BCHE: variants seen among roughly 807,000 people sequenced by gnomAD.
BCHE encodes butyrylcholinesterase, also known as cholinesterase.
A neutral mutation model predicts 51.3 loss-of-function variants in BCHE; 48 were observed. The observed-to-expected ratio is 0.94, with a 90% CI of 0.74 to 1.19. BCHE has a LOEUF of 1.19. BCHE is among the 50% of genes most tolerant of loss of function. The probability of loss-of-function intolerance (pLI) is 0.00; values close to 1 mark genes in which losing one functional copy is unlikely to be tolerated. For synonymous variants in BCHE, 251 were observed against 238.0 expected (o/e 1.05, Z -0.50); for missense variants, 847 against 708.2 (o/e 1.20, Z -2.23).
intron 2 of BCHE, among the ~76,000 whole-genome samples, chr3:165,828,256 T>C (rs1268861117): frequency 1.3e-5 from 2 of 152,114 alleles, no homozygotes; most frequent in Non-Finnish European, 2.9e-5. Flanking sequence ...CAGGGCACAT[T>C]GAGAGAAGAA....
At chr3:165,787,425 C>A (rs1399210652) in intron 2 of BCHE, among the ~76,000 whole-genome samples, 1 of 151,374 alleles carries the variant, frequency 6.6e-6, no homozygotes. Context: ...AGCAAGAAAA[C>A]CCAGGGAAAC....
intron 3 of BCHE, among the ~76,000 whole-genome samples, chr3:165,783,040 C>T (rs999821873): frequency 2.6e-5 from 4 of 152,018 alleles, no homozygotes; most frequent in African/African-American, 9.7e-5. Flanking sequence ...TGAATTAACC[C>T]ACAATTGCTA....
At chr3:165,837,277 G>GT in intron 1 of BCHE, 37 bp downstream of exon 1, 1 of 1,209,728 alleles carries the variant, frequency 8.3e-7, no homozygotes, top group Non-Finnish European at 1.1e-6. Flanking sequence ...CAGTAACTTG[G>GT]ATCTCTACAC....
intron 2 of BCHE, among the ~76,000 whole-genome samples, chr3:165,815,822 A>G (rs148942002): frequency 1.9e-3 from 285 of 152,156 alleles, no homozygotes; most frequent in African/African-American, 6.7e-3. Context: ...TCAAGGACAC[A>G]CAGAGAGCAG....
intron 3 of BCHE, among the ~76,000 whole-genome samples, chr3:165,780,365 C>A (rs779738655): frequency 6.6e-6 from 1 of 152,054 alleles, no homozygotes; most frequent in Non-Finnish European, 1.5e-5. Context: ...GACTTCATGA[C>A]GAAAATGTCA....
chr3:165,802,457 G>C (rs552979596), intron 2 of BCHE, among the ~76,000 whole-genome samples: 1 of 152,114 alleles, frequency 6.6e-6, no homozygotes, highest in Non-Finnish European at 1.5e-5. Flanking sequence ...GAAAAGAGTA[G>C]GACCAGGGAG....
Position 165,830,070 on chromosome 3 carries a change from C to T in BCHE, c.964G>A (p.Val322Met), listed in dbSNP as rs754644618. ...TPLSVNFGPT[V>M]DGDFLTDMPD... ...ATGTCAGTGAGAAAATCACCATCCA[C>T]GGTCGGACCAAAGTTTACTGACAAA... Residue 322 changes from valine to methionine, a missense_variant, in exon 2 of 4, where the codon GTG becomes ATG. Transcript: ENST00000264381. The T allele has an allele frequency of 5.6e-6, 9 of 1,613,564 alleles. No homozygotes were observed. The highest frequency in any genetic ancestry group is 1.7e-5 in the Admixed American group (1 of 59,868).
rs1243711917 is a variant in BCHE, at chr3:165,830,305, T to C, written c.729A>G (p.Ser243=). 6.2e-7 allele frequency: 1 copy of C among 1,613,918 alleles called. No homozygotes were observed. Among genetic ancestry groups the C allele is most frequent in the African/African-American group, 1.3e-5 (1 of 74,924 alleles). ...SLHLLSPGSH[S]LFTRAILQSG... is the part of the protein sequence containing the mutation. The stretch of plus-strand genomic sequence containing the variant: ...TTTGCAGAATGGCTCTGGTGAACAA[T>C]GAATGGCTTCCAGGAGAAAGCAAAT... The change falls in exon 2 of 4, where the codon TCA becomes TCG. Residue 243 remains serine, a synonymous_variant. Transcript: ENST00000264381.
At chr3:165,827,443 A>G (rs1714768650) in intron 2 of BCHE, among the ~76,000 whole-genome samples, 1 of 151,330 alleles carries the variant, frequency 6.6e-6, no homozygotes, top group Non-Finnish European at 1.5e-5. Context: ...TTATTAATTA[A>G]TTAATAATTA....
At chr3:165,801,590 A>T (rs1002007749) in intron 2 of BCHE, among the ~76,000 whole-genome samples, 1 of 152,196 alleles carries the variant, frequency 6.6e-6, no homozygotes, top group African/African-American at 2.4e-5. Flanking sequence ...TAGAAATTTA[A>T]AAAAAGTATT....
At chr3:165,803,774 T>G (rs1713758966) in intron 2 of BCHE, among the ~76,000 whole-genome samples, 1 of 152,076 alleles carries the variant, frequency 6.6e-6, no homozygotes, top group Admixed American at 6.6e-5. Context: ...GAGGAGAATG[T>G]TAAAAGTAAA....
intron 2 of BCHE, among the ~76,000 whole-genome samples, chr3:165,820,887 G>A (rs1714488677): frequency 6.6e-6 from 1 of 151,900 alleles, no homozygotes; most frequent in Non-Finnish European, 1.5e-5. Flanking sequence ...CATACTTAAT[G>A]ACTGCTTTTA....
At chr3:165,828,693 A>T (rs576534173) in intron 2 of BCHE, among the ~76,000 whole-genome samples, 1 of 152,124 alleles carries the variant, frequency 6.6e-6, no homozygotes, top group Non-Finnish European at 1.5e-5. Context: ...ATTTACTCCC[A>T]TGTATAAAAT....
Position 165,829,704 on chromosome 3 carries a change from C to T in BCHE, c.1330G>A (p.Ala444Thr), listed in dbSNP as rs201490686. ...TKKFSEWGNN[A>T]FFYYFEHRSS... Reference sequence around the variant, plus strand: ...CGGTGTTCAAAATAGTAGAAAAAGGCATTATTTCCCCATTCTGAGAACTTC... The same window carrying T: ...CGGTGTTCAAAATAGTAGAAAAAGGTATTATTTCCCCATTCTGAGAACTTC... The change falls in exon 2 of 4, where the codon GCC becomes ACC. Residue 444 changes from alanine (A) to threonine (T), a missense_variant. Coordinates refer to ENST00000264381, the MANE Select transcript of BCHE (RefSeq NM_000055.4). 59 of 1,613,818 alleles carry T rather than the reference C, an allele frequency of 3.7e-5. No homozygotes were observed. The highest frequency in any genetic ancestry group is 4.7e-5 in the Non-Finnish European group (55 of 1,179,908).
chr3:165,817,685 A>G (rs1392454871), intron 2 of BCHE, among the ~76,000 whole-genome samples: 1 of 152,086 alleles, frequency 6.6e-6, no homozygotes, highest in Admixed American at 6.6e-5. Context: ...CGCCTTACAA[A>G]TGATAACACA....
intron 2 of BCHE, among the ~76,000 whole-genome samples, chr3:165,828,433 T>C (rs532176660): frequency 6.6e-6 from 1 of 152,230 alleles, no homozygotes; most frequent in African/African-American, 2.4e-5. Context: ...TATTAAACCA[T>C]TTTGAAAAGA....
chr3:165,810,614 A>G (rs1378617960), intron 2 of BCHE, among the ~76,000 whole-genome samples: 1 of 152,188 alleles, frequency 6.6e-6, no homozygotes, highest in Admixed American at 6.6e-5. Flanking sequence ...ATGAAAACAA[A>G]CACCACTAGT....
intron 2 of BCHE, among the ~76,000 whole-genome samples, chr3:165,811,995 T>G (rs1274282351): frequency 6.6e-6 from 1 of 152,008 alleles, no homozygotes; most frequent in Non-Finnish European, 1.5e-5. Flanking sequence ...AGAGATTCCT[T>G]TTAGTGTAGA....
At chr3:165,785,728 T>G (rs760526566) in intron 3 of BCHE, among the ~76,000 whole-genome samples, 1 of 151,682 alleles carries the variant, frequency 6.6e-6, no homozygotes, top group Non-Finnish European at 1.5e-5. Flanking sequence ...CAAGGTTCTA[T>G]TATTTATCAA....
Sources: gnomAD v4.1 joint callset for allele counts (sites outside exome capture counted in the v4.1 genomes callset) on GRCh38, gnomAD v4.1.1 for gene constraint, MANE v1.5 for transcripts, NCBI Gene and HGNC (gene_info 2026-07-23, HGNC 2026-07-21) for gene names.